Variants in RGS7 observed in about 807,000 individuals in gnomAD.
RGS7 encodes regulator of G protein signaling 7.
Under a neutral mutation model 81.1 loss-of-function variants are expected in RGS7, and 27 were observed. The ratio of observed to expected loss-of-function variants is 0.33; its 90% CI spans 0.25 to 0.46. RGS7 has a LOEUF of 0.46. Among genes scored for constraint, RGS7 ranks in the 20% least tolerant of loss-of-function variants. The pLI, the probability that RGS7 is intolerant of heterozygous loss-of-function variation, is 1.00. For missense variants in RGS7, 396 were observed against 607.4 expected (o/e 0.65, Z 3.66); for synonymous variants, 208 against 207.7 (o/e 1.00, Z -0.01).
intron 3 of RGS7, among the ~76,000 whole-genome samples, chr1:241,039,171 C>G (rs2060480622): frequency 6.6e-6 from 1 of 152,118 alleles, no homozygotes; most frequent in Non-Finnish European, 1.5e-5. Flanking sequence ...ACCTGCCCAG[C>G]AAGAATCTGT....
At chr1:240,962,054 C>G (rs1440413279) in intron 4 of RGS7, among the ~76,000 whole-genome samples, 1 of 152,156 alleles carries the variant, frequency 6.6e-6, no homozygotes, top group African/African-American at 2.4e-5. Flanking sequence ...GTTCATGCCT[C>G]ATGAAAGAGT....
intron 3 of RGS7, among the ~76,000 whole-genome samples, chr1:241,066,203 G>A (rs976660888): frequency 6.6e-6 from 1 of 152,166 alleles, no homozygotes; most frequent in Non-Finnish European, 1.5e-5. Flanking sequence ...CCCTGAAGGT[G>A]TTCCTCATTT....
chr1:241,294,765 G>T (rs936504953), intron 2 of RGS7, among the ~76,000 whole-genome samples: 1 of 152,104 alleles, frequency 6.6e-6, no homozygotes, highest in Admixed American at 6.6e-5. Context: ...TACTTACCAT[G>T]GTGTTACAAC....
intron 9 of RGS7, among the ~76,000 whole-genome samples, chr1:240,845,255 C>A (rs533111325): frequency 2.2e-4 from 34 of 152,274 alleles, no homozygotes; most frequent in African/African-American, 8.2e-4. Flanking sequence ...TTCCAGCAGC[C>A]TAGCATGGCT....
chr1:241,249,708 T>C (rs2076736481), intron 2 of RGS7, among the ~76,000 whole-genome samples: 1 of 152,202 alleles, frequency 6.6e-6, no homozygotes, highest in Non-Finnish European at 1.5e-5. Flanking sequence ...GCATTCATTA[T>C]GATCTAGCAA....
chr1:241,248,087 T>C (rs569863850), intron 2 of RGS7, among the ~76,000 whole-genome samples: 1 of 152,266 alleles, frequency 6.6e-6, no homozygotes, highest in East Asian at 1.9e-4. Flanking sequence ...TTTTGCTTCA[T>C]GGATACTGAA....
chr1:241,209,315 G>A (rs1445963163), intron 2 of RGS7, among the ~76,000 whole-genome samples: 1 of 152,124 alleles, frequency 6.6e-6, no homozygotes, highest in South Asian at 2.1e-4. Flanking sequence ...AGATAAGTGG[G>A]CATAATGGAA....
chr1:240,828,981 G>A (rs180935578), intron 9 of RGS7, among the ~76,000 whole-genome samples: 254 of 152,270 alleles, frequency 1.7e-3, no homozygotes, highest in African/African-American at 5.9e-3. Context: ...CAGAGCTGAT[G>A]TGATTGGCAG....
At chr1:240,898,325 C>A (rs968218357) in intron 6 of RGS7, among the ~76,000 whole-genome samples, 19 of 152,264 alleles carry the variant, frequency 1.2e-4, no homozygotes, top group African/African-American at 4.6e-4. Context: ...CTTCTGCAAG[C>A]TTTTGAATGT....
intron 3 of RGS7, among the ~76,000 whole-genome samples, chr1:241,077,635 G>C (rs901547048): frequency 9.2e-5 from 14 of 152,312 alleles, no homozygotes; most frequent in African/African-American, 3.4e-4. Flanking sequence ...TCCAGCGATT[G>C]CTCTCTGTTT....
chr1:241,128,151 C>A (rs1263877602), intron 2 of RGS7, among the ~76,000 whole-genome samples: 3 of 151,894 alleles, frequency 2.0e-5, no homozygotes, highest in Admixed American at 2.0e-4. Flanking sequence ...GTGGCGGGCG[C>A]CTTTAGTCCC....
At chr1:240,981,368 C>T (rs4660020) in intron 4 of RGS7, among the ~76,000 whole-genome samples, 52,028 of 151,984 alleles carry the variant, frequency 0.34, 9,421 homozygotes, top group Middle Eastern at 0.41. Context: ...CCTCAGCCTC[C>T]CAAAGTGCTG....
At chr1:241,267,771 C>G (rs1247838471) in intron 2 of RGS7, among the ~76,000 whole-genome samples, 1 of 152,172 alleles carries the variant, frequency 6.6e-6, no homozygotes, top group African/African-American at 2.4e-5. Context: ...ATAGCACTAT[C>G]CTGTCCTCTG....
intron 9 of RGS7, among the ~76,000 whole-genome samples, chr1:240,852,170 G>T (rs910651364): frequency 5.3e-5 from 8 of 152,114 alleles, no homozygotes; most frequent in African/African-American, 1.4e-4. Flanking sequence ...TTAAGAAGTT[G>T]CTACAGCTTC....
intron 6 of RGS7, among the ~76,000 whole-genome samples, chr1:240,901,228 C>A (rs1669954654): frequency 1.3e-5 from 2 of 152,316 alleles, no homozygotes; most frequent in South Asian, 4.1e-4. Context: ...AATTCCCCGA[C>A]CCCTTGTGCT....
In RGS7 at chr1:240,811,929, C is replaced by G; in HGVS notation, c.1071G>C (p.Ser357=). The change falls in exon 14 of 19, where the codon TCG becomes TCC. Residue 357 remains serine (S), a synonymous_variant. Transcript: ENST00000440928. ...FLKFLESEFS[S]ENLRFWLAVE... ...GCAATGTGTTTTACCTTAAATTTTC[C>G]GAGCTGAATTCTGACTCTAGAAATT... The G allele has an allele frequency of 6.2e-7, 1 of 1,612,528 alleles. No individual in the cohort carries two copies. Among genetic ancestry groups the G allele is most frequent in the Non-Finnish European group, 8.5e-7 (1 of 1,178,604 alleles).
intron 6 of RGS7, among the ~76,000 whole-genome samples, chr1:240,924,474 T>G (rs1674096189): frequency 6.6e-6 from 1 of 152,162 alleles, no homozygotes; most frequent in Admixed American, 6.5e-5. Context: ...ACAACTTTAA[T>G]TGTTTAAATT....
chr1:240,776,096 T>A lies in RGS7; in HGVS notation c.*124A>T. The A allele has an allele frequency of 1.7e-6, 2 of 1,210,310 alleles. No individual in the cohort carries two copies. Among genetic ancestry groups the A allele is most frequent in the Non-Finnish European group, 2.5e-6 (2 of 811,436 alleles). The allele number at this position is 1,210,310 out of a possible 1,614,324, so 75.0% of individuals were successfully genotyped here. On this transcript the variant is annotated 3_prime_UTR_variant, in exon 19 of 19. Transcript: ENST00000440928. Reference sequence around the variant, plus strand: ...TTGTTCTAATGTCCTCTGCTCCAGGTCACAACATTGAGCTACAAAGTGTGT... The same window carrying A: ...TTGTTCTAATGTCCTCTGCTCCAGGACACAACATTGAGCTACAAAGTGTGT...
intron 6 of RGS7, among the ~76,000 whole-genome samples, chr1:240,871,383 C>T (rs764209084): frequency 6.6e-5 from 10 of 152,156 alleles, no homozygotes; most frequent in Non-Finnish European, 1.3e-4. Flanking sequence ...ACACACTACA[C>T]AGAAAATTTA....
Sources: gnomAD v4.1 joint callset for allele counts (sites outside exome capture counted in the v4.1 genomes callset) on GRCh38, gnomAD v4.1.1 for gene constraint, MANE v1.5 for transcripts, NCBI Gene and HGNC (gene_info 2026-07-23, HGNC 2026-07-21) for gene names.